NXPE2: variants seen among roughly 807,000 people sequenced by gnomAD.
NXPE2 encodes neurexophilin and PC-esterase domain family member 2.
NXPE2 carries 34 observed loss-of-function variants against 34.4 expected under a neutral mutation model. That is an observed-to-expected ratio of 0.99 (90% confidence interval 0.75 to 1.31). The LOEUF is 1.31. NXPE2 is among the 40% of genes most tolerant of loss of function. NXPE2 has a pLI of 0.00. For missense variants in NXPE2, 649 were observed against 672.5 expected (o/e 0.97, Z 0.39); for synonymous variants, 235 against 231.3 (o/e 1.02, Z -0.15).
intron 2 of NXPE2, among the ~76,000 whole-genome samples, chr11:114,695,730 C>T (rs562189744): frequency 3.3e-5 from 5 of 152,176 alleles, no homozygotes; most frequent in South Asian, 4.1e-4. Context: ...CAGTGGCTAA[C>T]GCCTGTAATC....
At chr11:114,602,218 T>A in the NXPE2 span, among the ~76,000 whole-genome samples, 1 of 107,190 alleles carries the variant, frequency 9.3e-6, no homozygotes. Flanking sequence ...ATACAATATA[T>A]GTTATAGATT....
chr11:114,663,669 TC>T, the NXPE2 span, among the ~76,000 whole-genome samples: 4 of 136,626 alleles, frequency 2.9e-5, no homozygotes, highest in African/African-American at 8.8e-5. Flanking sequence ...TTATCTATCA[TC>T]TATCTATTTA....
At chr11:114,685,088 A>C (rs1027935964) in intron 2 of NXPE2, among the ~76,000 whole-genome samples, 1 of 152,232 alleles carries the variant, frequency 6.6e-6, no homozygotes, top group African/African-American at 2.4e-5. Context: ...AGTTGGTCAG[A>C]TATATCATGG....
the NXPE2 span, among the ~76,000 whole-genome samples, chr11:114,725,881 T>C: frequency 6.6e-6 from 1 of 150,918 alleles, no homozygotes; most frequent in African/African-American, 2.4e-5. Context: ...CCCAGTTAAG[T>C]TCTCCTAGAG....
chr11:114,597,709 G>A, the NXPE2 span, among the ~76,000 whole-genome samples: 4 of 152,104 alleles, frequency 2.6e-5, no homozygotes, highest in Non-Finnish European at 4.4e-5. Context: ...TGAGCCTGGA[G>A]CATCTCGGGG....
chr11:114,633,610 C>T, the NXPE2 span, among the ~76,000 whole-genome samples: 1 of 150,962 alleles, frequency 6.6e-6, no homozygotes, highest in African/African-American at 2.4e-5. Flanking sequence ...CTATCCCTCC[C>T]ACCCTGCCCC....
intron 2 of NXPE2, among the ~76,000 whole-genome samples, chr11:114,683,079 A>G (rs1292710089): frequency 6.6e-6 from 1 of 152,122 alleles, no homozygotes; most frequent in Non-Finnish European, 1.5e-5. Flanking sequence ...GGTTTTTTAA[A>G]TATAAAACCT....
chr11:114,799,228 ATAAT>A, the NXPE2 span, among the ~76,000 whole-genome samples: 25 of 150,660 alleles, frequency 1.7e-4, no homozygotes, highest in East Asian at 7.8e-4. Flanking sequence ...GGTATTTGTG[ATAAT>A]TAATAAGAAG....
At chr11:114,554,369 C>A in the NXPE2 span, 1 of 985,232 alleles carries the variant, frequency 1.0e-6, no homozygotes, top group Non-Finnish European at 1.2e-6. Flanking sequence ...GGGCAGCAGC[C>A]TAGCTTAGAC....
At chr11:114,632,122 A>G in the NXPE2 span, among the ~76,000 whole-genome samples, 5 of 144,408 alleles carry the variant, frequency 3.5e-5, no homozygotes, top group African/African-American at 7.5e-5. Context: ...ATTATATATT[A>G]TAATAAAATA....
chr11:114,762,690 C>T, the NXPE2 span, among the ~76,000 whole-genome samples: 1 of 152,288 alleles, frequency 6.6e-6, no homozygotes, highest in Non-Finnish European at 1.5e-5. Flanking sequence ...TGGGAAGATT[C>T]CCTGGACACC....
the NXPE2 span, among the ~76,000 whole-genome samples, chr11:114,759,827 A>T: frequency 6.6e-6 from 1 of 152,216 alleles, no homozygotes; most frequent in Admixed American, 6.5e-5. Context: ...TGTTTTTATT[A>T]GTTCATGAAA....
the NXPE2 span, among the ~76,000 whole-genome samples, chr11:114,610,973 G>T: frequency 6.6e-6 from 1 of 150,566 alleles, no homozygotes; most frequent in African/African-American, 2.4e-5. Context: ...GTGTTGCCTC[G>T]TGGGTAACCA....
At chr11:114,637,792 C>T in the NXPE2 span, among the ~76,000 whole-genome samples, 1 of 151,948 alleles carries the variant, frequency 6.6e-6, no homozygotes, top group Non-Finnish European at 1.5e-5. Flanking sequence ...AATATTGGCC[C>T]CCACTCTCTT....
chr11:114,536,620 A>G, the NXPE2 span, among the ~76,000 whole-genome samples: 3 of 152,222 alleles, frequency 2.0e-5, no homozygotes, highest in African/African-American at 2.4e-5. Flanking sequence ...ATCCCACAGA[A>G]ATACAAACTA....
chr11:114,489,684 A>C, the NXPE2 span, among the ~76,000 whole-genome samples: 1 of 152,232 alleles, frequency 6.6e-6, no homozygotes, highest in Admixed American at 6.5e-5. Context: ...CTCTCACTAA[A>C]TTAGGTATTG....
At chr11:114,724,173 A>G in the NXPE2 span, among the ~76,000 whole-genome samples, 1 of 152,122 alleles carries the variant, frequency 6.6e-6, no homozygotes, top group African/African-American at 2.4e-5. Flanking sequence ...AGGACAAGTA[A>G]ATTTCTCAGG....
At chr11:114,752,817 A>G in the NXPE2 span, among the ~76,000 whole-genome samples, 3 of 152,178 alleles carry the variant, frequency 2.0e-5, no homozygotes, top group Non-Finnish European at 4.4e-5. Flanking sequence ...AACCAATTGG[A>G]TATACTAGTA....
At chr11:114,634,623 T>C in the NXPE2 span, among the ~76,000 whole-genome samples, 2 of 151,844 alleles carry the variant, frequency 1.3e-5, no homozygotes, top group African/African-American at 2.4e-5. Flanking sequence ...TTTAATACAT[T>C]TTGAATTAAT....
Sources: gnomAD v4.1 joint callset for allele counts (sites outside exome capture counted in the v4.1 genomes callset) on GRCh38, gnomAD v4.1.1 for gene constraint, MANE v1.5 for transcripts, NCBI Gene and HGNC (gene_info 2026-07-23, HGNC 2026-07-21) for gene names.